TTC23: variants seen among roughly 807,000 people sequenced by gnomAD.
TTC23 encodes the protein tetratricopeptide repeat domain 23, also known as tetratricopeptide repeat protein 23.
TTC23 carries 58 observed loss-of-function variants against 55.1 expected under a neutral mutation model. The observed-to-expected ratio is 1.05, with a 90% CI of 0.85 to 1.31. TTC23 has a LOEUF of 1.31. Among genes scored for constraint, TTC23 ranks in the 50% most tolerant of loss-of-function variants. The pLI is 0.00. For missense variants in TTC23, 516 were observed against 534.4 expected (o/e 0.97, Z 0.34); for synonymous variants, 203 against 199.9 (o/e 1.02, Z -0.13).
chr15:99,163,433 C>T (rs1341195845), intron 10 of TTC23, among the ~76,000 whole-genome samples: 1 of 152,168 alleles, frequency 6.6e-6, no homozygotes, highest in Non-Finnish European at 1.5e-5. Flanking sequence ...TCAGAAAGCA[C>T]CCCAACCTCC....
Position 99,218,189 on chromosome 15 carries a change from G to C in TTC23, c.581+399C>G, listed in dbSNP as rs375226074. On this transcript the variant is annotated intron_variant, in intron 8 of 13. Coordinates refer to ENST00000394132, the MANE Select transcript of TTC23 (RefSeq NM_001288615.3). ...CAATCCTTTCGTGATCATGGATTCAGATGTGTTTAAGATCTTTCTCCTTTG... is the reference window on the plus strand; with the variant it reads ...CAATCCTTTCGTGATCATGGATTCACATGTGTTTAAGATCTTTCTCCTTTG... 1.6e-4 allele frequency among the ~76,000 whole-genome samples: 24 copies of C among 152,318 alleles called. No homozygotes were observed. The South Asian group carries it at 5.0e-3, about 32-fold the overall frequency.
At chr15:99,235,440 G>A (rs1314711309) in intron 3 of TTC23, among the ~76,000 whole-genome samples, 3 of 150,132 alleles carry the variant, frequency 2.0e-5, no homozygotes, top group South Asian at 2.1e-4. Context: ...GCGCGATCTC[G>A]GCTCACTGCA....
intron 9 of TTC23, among the ~76,000 whole-genome samples, chr15:99,180,821 T>A (rs1319105579): frequency 1.3e-5 from 2 of 152,210 alleles, no homozygotes; most frequent in Non-Finnish European, 2.9e-5. Flanking sequence ...AAGGTACATT[T>A]GTGGACTTAG....
intron 9 of TTC23, among the ~76,000 whole-genome samples, chr15:99,188,843 C>T (rs1351949900): frequency 6.6e-6 from 1 of 152,050 alleles, no homozygotes; most frequent in Non-Finnish European, 1.5e-5. Flanking sequence ...GAAACTGGCA[C>T]TATCATACAT....
intron 8 of TTC23, among the ~76,000 whole-genome samples, chr15:99,211,124 C>T (rs1382766634): frequency 2.0e-5 from 3 of 152,136 alleles, no homozygotes; most frequent in Non-Finnish European, 2.9e-5. Context: ...CCTGTAATCC[C>T]AGCACTTTGG....
At chr15:99,205,571 T>C (rs1179787117) in intron 8 of TTC23, among the ~76,000 whole-genome samples, 1 of 152,136 alleles carries the variant, frequency 6.6e-6, no homozygotes, top group African/African-American at 2.4e-5. Context: ...GTAGCTATTG[T>C]AAATGGCATT....
intron 10 of TTC23, among the ~76,000 whole-genome samples, chr15:99,172,915 T>C (rs1012954605): frequency 1.3e-5 from 2 of 152,230 alleles, no homozygotes; most frequent in Non-Finnish European, 2.9e-5. Context: ...GGATTGCCTC[T>C]GATTCCAAAA....
intron 8 of TTC23, among the ~76,000 whole-genome samples, chr15:99,215,233 C>T (rs2077382851): frequency 6.6e-6 from 1 of 151,908 alleles, no homozygotes; most frequent in African/African-American, 2.4e-5. Context: ...AGATATAAGC[C>T]CTTTGTCAGT....
At chr15:99,204,817 G>C (rs934039607) in intron 8 of TTC23, among the ~76,000 whole-genome samples, 17 of 151,590 alleles carry the variant, frequency 1.1e-4, no homozygotes, top group Non-Finnish European at 2.4e-4. Context: ...TTGTTTGTTT[G>C]TAAAGATAGA....
chr15:99,138,060 GGATGCT>G lies in TTC23; in HGVS notation c.1288_1293del (p.Ser430_Ile431del). 3 of 1,613,974 alleles carry G rather than the reference GGATGCT, an allele frequency of 1.9e-6. No individual in the cohort carries two copies. Among genetic ancestry groups the G allele is most frequent in the Non-Finnish European group, 2.5e-6 (3 of 1,180,016 alleles). On this transcript the variant is annotated inframe_deletion, in exon 14 of 14. Transcript: ENST00000394132. The stretch of plus-strand genomic sequence containing the variant: ...GCCTTCCCCAGCAGGGTGTCCTGAG[GGATGCT>G]GGTGCAGAAGGCCACTTTGGCTTTT...
At chr15:99,193,566 A>G (rs2075428152) in intron 9 of TTC23, among the ~76,000 whole-genome samples, 1 of 152,214 alleles carries the variant, frequency 6.6e-6, no homozygotes, top group Admixed American at 6.5e-5. Flanking sequence ...TGGAACTGTC[A>G]GTCCAATTAA....
At chr15:99,182,882 T>C (rs1159648182) in intron 9 of TTC23, among the ~76,000 whole-genome samples, 1 of 151,532 alleles carries the variant, frequency 6.6e-6, no homozygotes, top group Non-Finnish European at 1.5e-5. Flanking sequence ...GATGTCATTC[T>C]TAGAAAATTT....
intron 9 of TTC23, among the ~76,000 whole-genome samples, chr15:99,197,945 G>A (rs1325483353): frequency 6.6e-6 from 1 of 151,956 alleles, no homozygotes; most frequent in Non-Finnish European, 1.5e-5. Flanking sequence ...AGGGACAGAG[G>A]ACACTACTTT....
chr15:99,220,480 C>T (rs2077831079), intron 6 of TTC23, among the ~76,000 whole-genome samples: 1 of 152,134 alleles, frequency 6.6e-6, no homozygotes, highest in Admixed American at 6.5e-5. Flanking sequence ...TACTTATTAA[C>T]AGTGTGGTAT....
chr15:99,148,554 G>C (rs1185713877), intron 12 of TTC23: 2 of 151,950 alleles, frequency 1.3e-5, no homozygotes, highest in Non-Finnish European at 2.9e-5. Context: ...AAAGTAGTGA[G>C]GCAGTGGACT....
At position 99,147,517 on chromosome 15, in the gene TTC23, G is replaced by A. The variant is rs782510199; in HGVS notation, c.1144-8118C>T. On this transcript the variant is annotated intron_variant, in intron 12 of 13. Transcript: ENST00000394132. ...TGGGATTACAGGCGTGAGCCACCGC[G>A]CCCAGCCTCCAAATTCATTCTTAAC... Among the ~76,000 whole-genome samples, 5 of 152,232 alleles carry A rather than the reference G, an allele frequency of 3.3e-5. No homozygotes were observed. The South Asian group carries it at 6.2e-4, about 19-fold the overall frequency.
At chr15:99,197,066 C>A (rs748548680) in intron 9 of TTC23, among the ~76,000 whole-genome samples, 1 of 152,034 alleles carries the variant, frequency 6.6e-6, no homozygotes, top group South Asian at 2.1e-4. Flanking sequence ...TGTTTTTGCT[C>A]CCTCATATCT....
intron 12 of TTC23, among the ~76,000 whole-genome samples, chr15:99,151,925 C>T (rs2069818051): frequency 1.3e-5 from 2 of 152,194 alleles, no homozygotes; most frequent in Non-Finnish European, 2.9e-5. Flanking sequence ...ACACGTCTCT[C>T]TCAGCCTCAG....
intron 9 of TTC23, among the ~76,000 whole-genome samples, chr15:99,182,772 T>C (rs1464329680): frequency 6.6e-6 from 1 of 152,076 alleles, no homozygotes; most frequent in Non-Finnish European, 1.5e-5. Flanking sequence ...CCTATATAGC[T>C]TGATTTTTAA....
Sources: allele counts gnomAD v4.1 joint callset (sites outside exome capture counted in the v4.1 genomes callset), GRCh38; gene constraint gnomAD v4.1.1; transcripts MANE v1.5; gene names NCBI Gene and HGNC (gene_info 2026-07-23, HGNC 2026-07-21).